DDX55: variants seen among roughly 807,000 people sequenced by gnomAD.
DDX55 encodes the protein ATP-dependent RNA helicase DDX55.
In DDX55, 56 loss-of-function variants were observed where a neutral mutation model predicts 69.2. That is an observed-to-expected ratio of 0.81 (90% CI 0.65 to 1.01). The LOEUF is 1.01. DDX55 is among the 50% of genes least tolerant of loss of function. The probability of loss-of-function intolerance (pLI) is 0.00; values close to 1 mark genes in which losing one functional copy is unlikely to be tolerated. For synonymous variants in DDX55, 268 were observed against 273.1 expected, an observed-to-expected ratio of 0.98 and a Z score of 0.18; for missense variants, 720 against 745.1, an observed-to-expected ratio of 0.97 and a Z score of 0.39.
chr12:123,608,487 C>T, intron 5 of DDX55, 193 bp from the exon 6 acceptor site: 1 of 614,108 alleles, frequency 1.6e-6, no homozygotes, highest in Non-Finnish European at 2.7e-6. Context: ...AGGTCATAGC[C>T]CAGAACCCAG....
intron 8 of DDX55, among the ~76,000 whole-genome samples, chr12:123,614,546 C>T (rs4930709): frequency 0.2 from 30,511 of 152,074 alleles, 3,494 homozygotes; most frequent in Middle Eastern, 0.29. Context: ...AGAAGGGTGC[C>T]GGGTAAGGAG....
rs68169681 is a variant in DDX55, at chr12:123,620,580, T to TTATATATATATATA, written c.*475_*488dup. 8 of 65,356 alleles carry TTATATATATATATA rather than the reference T, an allele frequency of 1.2e-4. No homozygotes were observed. The highest frequency in any genetic ancestry group is 1.9e-4 in the Admixed American group (1 of 5,140). 4.0% of individuals were successfully genotyped at this position (65,356 alleles called of 1,614,324 possible). A position where few individuals can be genotyped will look rare whatever the true frequency, so the allele number is the denominator to read the frequency against. The stretch of plus-strand genomic sequence containing the variant: ...GGTCACATATAGACATATGTACATA[T>TTATATATATATATA]TATATATATATATATATATATATAT... On this transcript the variant is annotated 3_prime_UTR_variant, in exon 14 of 14. Coordinates refer to ENST00000238146, the MANE Select transcript of DDX55 (RefSeq NM_020936.3).
At chr12:123,604,187 C>T (rs1460427127) in intron 1 of DDX55, among the ~76,000 whole-genome samples, 2 of 152,042 alleles carry the variant, frequency 1.3e-5, no homozygotes, top group South Asian at 4.1e-4. Flanking sequence ...TGGGAGGATC[C>T]CTTGAGCCCA....
intron 1 of DDX55, among the ~76,000 whole-genome samples, chr12:123,604,512 T>A (rs1953770972): frequency 1.3e-5 from 2 of 152,132 alleles, no homozygotes. Flanking sequence ...GCCTAGGGAA[T>A]GTAGTGCGAG....
Position 123,620,376 on chromosome 12 carries a change from T to C in DDX55, c.*236T>C. ...GCTCCTGCCTATAATCCCAGCACTTTGGGAGGCTGAGGCAGGAGGATCACT... is the reference window on the plus strand; with the variant it reads ...GCTCCTGCCTATAATCCCAGCACTTCGGGAGGCTGAGGCAGGAGGATCACT... On this transcript the variant is annotated 3_prime_UTR_variant, in exon 14 of 14. Coordinates refer to ENST00000238146, the MANE Select transcript of DDX55 (RefSeq NM_020936.3). 3.2e-6 allele frequency: 1 copy of C among 308,510 alleles called. No homozygotes were observed. The highest frequency in any genetic ancestry group is 5.9e-6 in the Non-Finnish European group (1 of 169,598). 19.1% of individuals were successfully genotyped at this position (308,510 alleles called of 1,614,324 possible).
rs1954109885 is a variant in DDX55, at chr12:123,609,931, T to C, written c.552-8T>C. On this transcript the variant is annotated splice_region_variant and splice_polypyrimidine_tract_variant and intron_variant, in intron 6 of 13. Coordinates refer to ENST00000238146, the MANE Select transcript of DDX55 (RefSeq NM_020936.3). ...TGAGCGGTTAAGTGTGAGCCCTCTT[T>C]TTATCAGCATCAACACCATTCTGGA... The C allele has an allele frequency of 6.2e-6, 10 of 1,611,288 alleles. No homozygotes were observed. The highest frequency in any genetic ancestry group is 8.5e-6 in the Non-Finnish European group (10 of 1,178,794).
At chr12:123,609,099 G>A (rs1200665372) in intron 6 of DDX55, among the ~76,000 whole-genome samples, 2 of 151,970 alleles carry the variant, frequency 1.3e-5, no homozygotes, top group Non-Finnish European at 2.9e-5. Context: ...GATTACAGGT[G>A]CACACCACCA....
Position 123,619,440 on chromosome 12 carries a change from T to C in DDX55, c.1342T>C (p.Phe448Leu). 6.2e-7 allele frequency: 1 copy of C among 1,611,526 alleles called. No homozygotes were observed. The highest frequency in any genetic ancestry group is 8.5e-7 in the Non-Finnish European group (1 of 1,179,092). ...NLIFRLKDLD[F>L]ASLARGFALL... is the part of the protein sequence containing the mutation. Reference sequence around the variant, plus strand: ...TCTTCTGATTGAATCAGATCTTGATTTTGCCAGCCTTGCTCGAGGTTTTGC... The same window carrying C: ...TCTTCTGATTGAATCAGATCTTGATCTTGCCAGCCTTGCTCGAGGTTTTGC... Residue 448 changes from phenylalanine to leucine, a missense_variant, in exon 13 of 14, where the codon TTT becomes CTT. Physicochemically the swap from Phe to Leu is conservative, Grantham distance 22 (BLOSUM62 0). Coordinates refer to ENST00000238146, the MANE Select transcript of DDX55 (RefSeq NM_020936.3).
chr12:123,614,729 G>A lies in DDX55; in HGVS notation c.825-456G>A, dbSNP rs532317070. 2.6e-5 allele frequency among the ~76,000 whole-genome samples: 4 copies of A among 152,282 alleles called. No individual in the cohort carries two copies. In the South Asian group the frequency reaches 8.3e-4, roughly 32 times the overall value. Reference sequence around the variant, plus strand: ...AATATCTGGGAGAAGGGATCTGACTGGCCTAGCTTGGGTTATTTGCTGAGC... The same window carrying A: ...AATATCTGGGAGAAGGGATCTGACTAGCCTAGCTTGGGTTATTTGCTGAGC... On this transcript the variant is annotated intron_variant, in intron 8 of 13. Transcript: ENST00000238146.
At chr12:123,606,976 G>A (rs759969598) in intron 3 of DDX55, among the ~76,000 whole-genome samples, 1 of 152,188 alleles carries the variant, frequency 6.6e-6, no homozygotes, top group African/African-American at 2.4e-5. Context: ...AGGTTATGAC[G>A]TGCAGAGAAA....
Position 123,607,433 on chromosome 12 carries a change from T to C in DDX55, c.248T>C (p.Val83Ala), listed in dbSNP as rs749005609. Residue 83 changes from valine (V) to alanine (A), a missense_variant and splice_region_variant, in exon 4 of 14, where the codon GTT becomes GCT. Transcript: ENST00000238146. ...RREEKLKKSQ[V>A]GAIIITPTRE... is the part of the protein sequence containing the mutation. ...TGTCCCTTCCTTCCATGTGGGTAGG[T>C]TGGAGCCATAATCATCACCCCCACT... is the stretch of plus-strand genomic sequence containing the variant. 6.8e-6 allele frequency: 11 copies of C among 1,613,900 alleles called. No individual in the cohort carries two copies. The highest frequency in any genetic ancestry group is 4.0e-5 in the African/African-American group (3 of 74,914).
chr12:123,620,115 T>C lies in DDX55; in HGVS notation c.1778T>C (p.Ile593Thr). 6.2e-7 allele frequency: 1 copy of C among 1,613,904 alleles called. No homozygotes were observed. The highest frequency in any genetic ancestry group is 8.5e-7 in the Non-Finnish European group (1 of 1,179,882). The change falls in exon 14 of 14, where the codon ATC becomes ACC. Residue 593 changes from isoleucine (I) to threonine (T), a missense_variant. Transcript: ENST00000238146. ...KRTIKTVDLG[I>T]SDLEDDC ...ACAATCAAGACAGTGGATTTAGGGA[T>C]CTCAGATTTGGAAGATGACTGCTGA...
chr12:123,607,777 C>A, intron 5 of DDX55, 115 bp downstream of exon 5: 1 of 1,447,646 alleles, frequency 6.9e-7, no homozygotes, highest in Non-Finnish European at 9.6e-7. Flanking sequence ...CCTCCCCCTG[C>A]AAAAAGGTGT....
chr12:123,610,508 A>C (rs1199467168), intron 7 of DDX55, among the ~76,000 whole-genome samples: 2 of 152,132 alleles, frequency 1.3e-5, no homozygotes, highest in Non-Finnish European at 2.9e-5. Flanking sequence ...ACAGAAAATC[A>C]AATGACAGAC....
At chr12:123,611,852 A>C (rs2135714971) in intron 7 of DDX55, among the ~76,000 whole-genome samples, 1 of 152,290 alleles carries the variant, frequency 6.6e-6, no homozygotes, top group South Asian at 2.1e-4. Context: ...TGTGGAGAGC[A>C]TGGGCGCTAG....
intron 8 of DDX55, among the ~76,000 whole-genome samples, chr12:123,613,965 T>C (rs1954462625): frequency 6.6e-6 from 1 of 152,102 alleles, no homozygotes; most frequent in African/African-American, 2.4e-5. Context: ...AATGTGTTGA[T>C]CTTTAGTAGT....
intron 1 of DDX55, chr12:123,605,497 T>C (rs2135689612): frequency 6.4e-6 from 2 of 313,190 alleles, no homozygotes; most frequent in South Asian, 5.6e-5. Flanking sequence ...GGGAGCAGCC[T>C]CCAGGCCAAG....
At chr12:123,615,423 C>A in intron 9 of DDX55, 107 bp downstream of exon 9, 1 of 1,468,858 alleles carries the variant, frequency 6.8e-7, no homozygotes, top group Non-Finnish European at 9.2e-7. Context: ...TGTTGTCTTT[C>A]CTGCCTGGAA....
rs138988569 is a variant in DDX55 at position 123,613,775 on chromosome 12, G to A, written c.824+523G>A. Reference sequence around the variant, plus strand: ...CAAGAGCAGCAGAGAAAATGAGTGCGCAGCTTTTCTGCCTCTGTAGTAGTG... The same window carrying A: ...CAAGAGCAGCAGAGAAAATGAGTGCACAGCTTTTCTGCCTCTGTAGTAGTG... On this transcript the variant is annotated intron_variant, in intron 8 of 13. Transcript: ENST00000238146. 9.2e-3 allele frequency among the ~76,000 whole-genome samples: 1,397 copies of A among 152,238 alleles called. 26 individuals carry two copies. The highest frequency in any genetic ancestry group is 0.032 in the African/African-American group (1,312 of 41,524).
Sources: allele counts gnomAD v4.1 joint callset (sites outside exome capture counted in the v4.1 genomes callset), GRCh38; gene constraint gnomAD v4.1.1; transcripts MANE v1.5; gene names NCBI Gene and HGNC (gene_info 2026-07-23, HGNC 2026-07-21).